The following UBE2D3 variants were observed in gnomAD, a reference collection of about 807,000 sequenced individuals.
UBE2D3 encodes ubiquitin-conjugating enzyme E2 D3.
In UBE2D3, 2 loss-of-function variants were observed where a neutral mutation model predicts 22.8. The ratio of observed to expected loss-of-function variants is 0.09; its 90% CI spans 0.04 to 0.28. The LOEUF is 0.28. UBE2D3 is among the 10% of genes least tolerant of loss of function. The probability of loss-of-function intolerance (pLI) is 1.00; values close to 1 mark genes in which losing one functional copy is unlikely to be tolerated. For missense variants in UBE2D3, 27 were observed against 182.5 expected (o/e 0.15, Z 4.91); for synonymous variants, 56 against 60.4 (o/e 0.93, Z 0.34).
chr4:102,818,782 C>T (rs756896633), intron 2 of UBE2D3, among the ~76,000 whole-genome samples: 1 of 151,950 alleles, frequency 6.6e-6, no homozygotes, highest in African/African-American at 2.4e-5. Flanking sequence ...ACATTCCTTA[C>T]ATGAGATTTT....
At chr4:102,814,387 C>G (rs758406923) in intron 2 of UBE2D3, among the ~76,000 whole-genome samples, 11 of 150,734 alleles carry the variant, frequency 7.3e-5, no homozygotes, top group Non-Finnish European at 1.3e-4. Context: ...CTCCCAGGTT[C>G]AAGTGACTCT....
At chr4:102,836,005 A>G (rs914231899) in intron 1 of UBE2D3, among the ~76,000 whole-genome samples, 3 of 152,042 alleles carry the variant, frequency 2.0e-5, no homozygotes, top group African/African-American at 7.2e-5. Flanking sequence ...TTTTTCACTT[A>G]GCATAATTAT....
intron 2 of UBE2D3, 190 bp from the exon 3 acceptor site, chr4:102,810,045 G>C (rs1727703261): frequency 1.8e-6 from 1 of 565,736 alleles, no homozygotes; most frequent in Non-Finnish European, 3.1e-6. Flanking sequence ...CTTAGCTAGA[G>C]TTCGTAAAAA....
At chr4:102,832,277 T>C (rs77138981), upstream of UBE2D3, among the ~76,000 whole-genome samples, 105 of 152,234 alleles carry the variant, frequency 6.9e-4, 1 homozygote, top group East Asian at 0.018. Context: ...AGAAAAACTT[T>C]GGCTGCAGTA....
chr4:102,847,775 C>G (rs1318168340), intron 1 of UBE2D3, among the ~76,000 whole-genome samples: 2 of 152,030 alleles, frequency 1.3e-5, no homozygotes. Context: ...TCCTGAGTTG[C>G]TGGGATAACA....
At chr4:102,837,503 T>G (rs1333744912) in intron 1 of UBE2D3, among the ~76,000 whole-genome samples, 1 of 152,196 alleles carries the variant, frequency 6.6e-6, no homozygotes, top group African/African-American at 2.4e-5. Context: ...TTAGTATGTT[T>G]TAGCAATAAA....
rs1730537120 is a variant in UBE2D3, at chr4:102,826,562, G to A, written c.-54C>T. 6.2e-7 allele frequency: 1 copy of A among 1,609,228 alleles called. No homozygotes were observed. Among genetic ancestry groups the A allele is most frequent in the South Asian group, 1.1e-5 (1 of 91,002 alleles). ...TCTCTCGGTGTATGCTCAAAGGTCCGGCCAAAACTCTTGATTATCCCGGCG... is the reference window on the plus strand; with the variant it reads ...TCTCTCGGTGTATGCTCAAAGGTCCAGCCAAAACTCTTGATTATCCCGGCG... On this transcript the variant is annotated 5_prime_UTR_variant, in exon 2 of 8. Coordinates refer to ENST00000453744, the MANE Select transcript of UBE2D3 (RefSeq NM_181891.3).
chr4:102,839,417 G>A (rs1046679765), intron 1 of UBE2D3, among the ~76,000 whole-genome samples: 1 of 151,936 alleles, frequency 6.6e-6, no homozygotes, highest in Non-Finnish European at 1.5e-5. Context: ...GACTACAGCC[G>A]CTTGCCGCCA....
At chr4:102,858,798 G>A (rs537279668) in intron 1 of UBE2D3, among the ~76,000 whole-genome samples, 2 of 151,860 alleles carry the variant, frequency 1.3e-5, no homozygotes, top group African/African-American at 2.4e-5. Flanking sequence ...ACAAAAACTC[G>A]ACACTTTAAC....
intron 1 of UBE2D3, chr4:102,868,588 A>C (rs548183493): frequency 4.3e-6 from 5 of 1,171,976 alleles, no homozygotes; most frequent in East Asian, 4.7e-5. Context: ...GAGTAAAATT[A>C]GGCACTGGGG....
In UBE2D3 at chr4:102,857,732, C is replaced by T. The variant is rs868428857; in HGVS notation, c.-129+10983G>A. 2.6e-5 allele frequency among the ~76,000 whole-genome samples: 4 copies of T among 152,120 alleles called. No homozygotes were observed. The South Asian group carries it at 8.3e-4, about 32-fold the overall frequency. On this transcript the variant is annotated intron_variant, in intron 1 of 7. Transcript: ENST00000338145. ...TGTGTGTGATGGAGTATCACTCCCTCGCCTAGGCTGGAGTGCAGTGCTGCG... is the reference window on the plus strand; with the variant it reads ...TGTGTGTGATGGAGTATCACTCCCTTGCCTAGGCTGGAGTGCAGTGCTGCG...
At chr4:102,823,870 C>T (rs190316055) in intron 2 of UBE2D3, among the ~76,000 whole-genome samples, 31 of 152,238 alleles carry the variant, frequency 2.0e-4, no homozygotes, top group Middle Eastern at 3.4e-3. Context: ...AAAATATTAA[C>T]GAGGAATACA....
intron 1 of UBE2D3, among the ~76,000 whole-genome samples, chr4:102,863,595 G>A (rs955064082): frequency 1.1e-4 from 17 of 152,126 alleles, no homozygotes; most frequent in Non-Finnish European, 2.2e-4. Flanking sequence ...CCGGGTTCAA[G>A]TGATTCTCAT....
intron 2 of UBE2D3, among the ~76,000 whole-genome samples, chr4:102,813,518 A>G (rs1404763585): frequency 1.3e-5 from 2 of 152,210 alleles, no homozygotes; most frequent in Admixed American, 6.5e-5. Context: ...TTGTGGGCAG[A>G]TGTAGAGATA....
intron 1 of UBE2D3, among the ~76,000 whole-genome samples, chr4:102,845,025 A>C (rs2110361038): frequency 6.8e-6 from 1 of 147,884 alleles, no homozygotes; most frequent in East Asian, 2.0e-4. Flanking sequence ...CCATCTCAAA[A>C]AAAAAAAAAA....
At chr4:102,861,006 C>T (rs1732873715) in intron 1 of UBE2D3, among the ~76,000 whole-genome samples, 1 of 151,902 alleles carries the variant, frequency 6.6e-6, no homozygotes, top group South Asian at 2.1e-4. Flanking sequence ...TTTCCCTTCT[C>T]CTAGATATTC....
At chr4:102,867,112 TG>T (rs1314822202) in intron 1 of UBE2D3, among the ~76,000 whole-genome samples, 2 of 152,240 alleles carry the variant, frequency 1.3e-5, no homozygotes, top group African/African-American at 2.4e-5. Flanking sequence ...GAATTTCCAT[TG>T]TAAGTTTTAC....
intron 1 of UBE2D3, chr4:102,827,219 T>C (rs1250425720): frequency 1.0e-6 from 1 of 983,442 alleles, no homozygotes. Context: ...GCGCTGTCCC[T>C]GAGGCTCCGG....
chr4:102,804,547 A>G (rs977597150), intron 4 of UBE2D3, among the ~76,000 whole-genome samples: 1 of 152,180 alleles, frequency 6.6e-6, no homozygotes, highest in South Asian at 2.1e-4. Flanking sequence ...ACATGTCTTT[A>G]TTAAATAGTT....
Sources: allele counts gnomAD v4.1 joint callset (sites outside exome capture counted in the v4.1 genomes callset), GRCh38; gene constraint gnomAD v4.1.1; transcripts MANE v1.5; gene names NCBI Gene and HGNC (gene_info 2026-07-23, HGNC 2026-07-21).